MAN2A1: variants seen among roughly 807,000 people sequenced by gnomAD.
MAN2A1 encodes mannosidase alpha class 2A member 1.
In MAN2A1, 76 loss-of-function variants were observed where a neutral mutation model predicts 142.6. The ratio of observed to expected loss-of-function variants is 0.53; its 90% CI spans 0.44 to 0.65. MAN2A1 has a LOEUF of 0.65. Ranked by LOEUF, MAN2A1 falls within the 30% of genes least tolerant of loss-of-function variation. The pLI is 0.00. For missense variants in MAN2A1, 1,311 were observed against 1,365.1 expected (o/e 0.96, Z 0.62); for synonymous variants, 559 against 473.2 (o/e 1.18, Z -2.35).
chr5:109,819,036 T>C (rs2112723708), intron 13 of MAN2A1, among the ~76,000 whole-genome samples: 1 of 152,328 alleles, frequency 6.6e-6, no homozygotes, highest in Non-Finnish European at 1.5e-5. Context: ...TTTTCAATTT[T>C]ATAATAGCGT....
chr5:109,805,866 G>A (rs1354558964), intron 12 of MAN2A1, among the ~76,000 whole-genome samples: 2 of 152,170 alleles, frequency 1.3e-5, no homozygotes, highest in African/African-American at 4.8e-5. Flanking sequence ...TGGGACATAA[G>A]ATAATCTGTC....
intron 4 of MAN2A1, among the ~76,000 whole-genome samples, chr5:109,730,689 C>T (rs1450100208): frequency 1.3e-5 from 2 of 151,926 alleles, no homozygotes; most frequent in South Asian, 2.1e-4. Flanking sequence ...TGTATTAGTC[C>T]CTGTTCTAAG....
chr5:109,717,719 C>T (rs1265117827), intron 3 of MAN2A1, among the ~76,000 whole-genome samples: 1 of 152,054 alleles, frequency 6.6e-6, no homozygotes, highest in African/African-American at 2.4e-5. Context: ...CTTGGCTCTG[C>T]GGTGTATTGC....
At chr5:109,838,436 T>C (rs980182357) in intron 16 of MAN2A1, among the ~76,000 whole-genome samples, 2 of 152,106 alleles carry the variant, frequency 1.3e-5, no homozygotes, top group African/African-American at 4.8e-5. Flanking sequence ...GTAAAAAAAA[T>C]AGCATTTTTG....
Position 109,784,826 on chromosome 5 carries a change from A to G in MAN2A1, c.1660A>G (p.Thr554Ala). 13 of 1,613,016 alleles carry G rather than the reference A, an allele frequency of 8.1e-6. No individual in the cohort carries two copies. The highest frequency in any genetic ancestry group is 1.1e-5 in the Non-Finnish European group (13 of 1,179,436). The change falls in exon 10 of 22, where the codon ACG becomes GCG. Residue 554 changes from threonine to alanine, a missense_variant. By Grantham distance (58) the Thr-to-Ala change is moderately conservative. Around this residue, in one of 3 missense-constraint regions of MAN2A1, gnomAD observed 890 missense variants for 920.5 expected, o/e 0.97. Transcript: ENST00000261483. ...INKFLSSSLY[T>A]ALTEARRNLG... ...TAAATTTCTCTCATCATCACTTTAC[A>G]CGGCACTGACAGAAGCCAGAAGGAA...
chr5:109,735,006 T>C (rs1045254676), intron 4 of MAN2A1, among the ~76,000 whole-genome samples: 3 of 151,750 alleles, frequency 2.0e-5, no homozygotes, highest in African/African-American at 7.3e-5. Context: ...GTGGGAGTCT[T>C]AAGTCTCTTT....
chr5:109,833,697 GGGA>G (rs1754989880), intron 16 of MAN2A1, among the ~76,000 whole-genome samples: 1 of 150,846 alleles, frequency 6.6e-6, no homozygotes, highest in African/African-American at 2.4e-5. Flanking sequence ...TGTGGGGAGG[GGGA>G]GGGGGAGGGG....
chr5:109,831,649 A>G (rs977824077), intron 16 of MAN2A1, among the ~76,000 whole-genome samples: 34 of 152,220 alleles, frequency 2.2e-4, no homozygotes, highest in African/African-American at 7.7e-4. Context: ...AAAAGCCTGC[A>G]CTAGCTTTTT....
rs1365128031 is a variant in MAN2A1, at chr5:109,855,270, C to T, written c.3107C>T (p.Ser1036Phe). The change falls in exon 20 of 22, where the codon TCT becomes TTT. Residue 1036 changes from serine (S) to phenylalanine (F), a missense_variant. Around this residue, in one of 3 missense-constraint regions of MAN2A1, gnomAD observed 890 missense variants for 920.5 expected, o/e 0.97. Coordinates refer to ENST00000261483, the MANE Select transcript of MAN2A1 (RefSeq NM_002372.4). ...ACCCTTGAGCTGCAAGGTGAATTCT[C>T]TCCATTACAGTCATCTTTGCCTTGT... ...SPTLELQGEF[S>F]PLQSSLPCDI... is the part of the protein sequence containing the mutation. 2.5e-6 allele frequency: 4 copies of T among 1,605,870 alleles called. No homozygotes were observed. The highest frequency in any genetic ancestry group is 1.3e-5 in the African/African-American group (1 of 74,664).
At chr5:109,743,226 G>T (rs534613838) in intron 4 of MAN2A1, among the ~76,000 whole-genome samples, 3 of 152,098 alleles carry the variant, frequency 2.0e-5, no homozygotes, top group Non-Finnish European at 2.9e-5. Flanking sequence ...TCCTGTTCTC[G>T]CCTGTTGGGG....
At position 109,725,884 on chromosome 5, in the gene MAN2A1, G is replaced by C. The variant is rs575538473; in HGVS notation, c.536-3458G>C. ...TTGAATGTAGACAATAGAGTTTCCAGCTTTATTGGCTTTTTTTATTTTAGA... is the reference window on the plus strand; with the variant it reads ...TTGAATGTAGACAATAGAGTTTCCACCTTTATTGGCTTTTTTTATTTTAGA... On this transcript the variant is annotated intron_variant, in intron 3 of 21. Transcript: ENST00000261483. 1.6e-3 allele frequency among the ~76,000 whole-genome samples: 250 copies of C among 152,098 alleles called. 1 individual carries two copies. The highest frequency in any genetic ancestry group is 5.8e-3 in the African/African-American group (240 of 41,494).
chr5:109,722,651 A>G (rs1471233658), intron 3 of MAN2A1, among the ~76,000 whole-genome samples: 1 of 152,052 alleles, frequency 6.6e-6, no homozygotes, highest in Non-Finnish European at 1.5e-5. Flanking sequence ...CCTGACCTCA[A>G]GTGATCCGTC....
In MAN2A1 at chr5:109,867,442, A is replaced by G. The variant is rs1321384220; in HGVS notation, c.*444A>G. The stretch of plus-strand genomic sequence containing the variant: ...TGTTTGTGGGTAAAAGCTAATGGCC[A>G]AAATGGTTGCAATCATTCATACTAG... On this transcript the variant is annotated 3_prime_UTR_variant, in exon 22 of 22. Coordinates refer to ENST00000261483, the MANE Select transcript of MAN2A1 (RefSeq NM_002372.4). The G allele has an allele frequency of 6.5e-6, 1 of 152,946 alleles. No individual in the cohort carries two copies. Among genetic ancestry groups the G allele is most frequent in the African/African-American group, 2.4e-5 (1 of 41,468 alleles). 9.5% of individuals were successfully genotyped at this position (152,946 alleles called of 1,614,324 possible). A position where few individuals can be genotyped will look rare whatever the true frequency, so the allele number is the denominator to read the frequency against.
intron 12 of MAN2A1, among the ~76,000 whole-genome samples, chr5:109,797,787 A>T (rs1207548447): frequency 2.6e-5 from 4 of 152,318 alleles, no homozygotes; most frequent in South Asian, 2.1e-4. Context: ...AGGACATATT[A>T]AAAAAGTGCC....
intron 12 of MAN2A1, among the ~76,000 whole-genome samples, chr5:109,796,289 A>G (rs1200752635): frequency 2.0e-5 from 3 of 152,162 alleles, no homozygotes; most frequent in Non-Finnish European, 4.4e-5. Flanking sequence ...AGATTATCAC[A>G]TGTTTGGTTA....
chr5:109,787,500 CTG>C (rs1753624377), intron 10 of MAN2A1, among the ~76,000 whole-genome samples: 1 of 151,942 alleles, frequency 6.6e-6, no homozygotes, highest in Non-Finnish European at 1.5e-5. Context: ...CCCAAATGTA[CTG>C]TGTTTCATTT....
At position 109,743,379 on chromosome 5, in the gene MAN2A1, G is replaced by A. The variant is rs144281479; in HGVS notation, c.708-11950G>A. Among the ~76,000 whole-genome samples the A allele has an allele frequency of 1.1e-3, 173 of 152,242 alleles. 1 individual carries two copies. Among genetic ancestry groups the A allele is most frequent in the African/African-American group, 4.0e-3 (167 of 41,546 alleles). ...TGGCAATAGTAAGAGATAAGCACTCGTTTAATTATTCAGCCAATCCTGTAG... is the reference window on the plus strand; with the variant it reads ...TGGCAATAGTAAGAGATAAGCACTCATTTAATTATTCAGCCAATCCTGTAG... On this transcript the variant is annotated intron_variant, in intron 4 of 21. Transcript: ENST00000261483.
chr5:109,832,565 T>A lies in MAN2A1; in HGVS notation c.2566+8728T>A, dbSNP rs187404551. 5.0e-3 allele frequency among the ~76,000 whole-genome samples: 768 copies of A among 152,318 alleles called. 7 individuals carry two copies. The highest frequency in any genetic ancestry group is 0.017 in the African/African-American group (724 of 41,562). ...ACAGCACAAAATGGAGTCTCCCATG[T>A]CTACTTCTTTCTACACAGACACAGC... On this transcript the variant is annotated intron_variant, in intron 16 of 21. Coordinates refer to ENST00000261483, the MANE Select transcript of MAN2A1 (RefSeq NM_002372.4).
intron 19 of MAN2A1, among the ~76,000 whole-genome samples, chr5:109,851,607 C>T (rs1755483841): frequency 1.3e-5 from 2 of 152,172 alleles, no homozygotes; most frequent in African/African-American, 4.8e-5. Context: ...GCCTCCAGAA[C>T]TGTGAGCTGA....
Sources: allele counts gnomAD v4.1 joint callset (sites outside exome capture counted in the v4.1 genomes callset), GRCh38; gene constraint gnomAD v4.1.1; regional missense constraint gnomAD v4.1.1; transcripts MANE v1.5; gene names NCBI Gene and HGNC (gene_info 2026-07-23, HGNC 2026-07-21).